The following PACS2 variants were observed in gnomAD, a reference collection of about 807,000 sequenced individuals.
The protein encoded by PACS2 is PACS1-like protein.
A neutral mutation model predicts 113.0 loss-of-function variants in PACS2; 36 were observed. The observed-to-expected ratio is 0.32, with a 90% CI of 0.24 to 0.42. PACS2 has a LOEUF of 0.42. PACS2 is among the 10% of genes least tolerant of loss of function. PACS2 has a pLI of 1.00. For synonymous variants in PACS2, 589 were observed against 536.1 expected, an observed-to-expected ratio of 1.10 and a Z score of -1.36; for missense variants, 1,015 against 1,239.5, an observed-to-expected ratio of 0.82 and a Z score of 2.72.
intron 8 of PACS2, 83 bp downstream of exon 8, chr14:105,369,983 G>C (rs1251307730): frequency 2.5e-6 from 3 of 1,192,470 alleles, no homozygotes; most frequent in African/African-American, 1.5e-5. Flanking sequence ...GTCTGTCTCC[G>C]GGCCACCTCT....
At chr14:105,320,818 A>G (rs960162411) in intron 1 of PACS2, among the ~76,000 whole-genome samples, 7 of 152,174 alleles carry the variant, frequency 4.6e-5, no homozygotes, top group African/African-American at 1.7e-4. Flanking sequence ...GTAAAATTGG[A>G]ATCATTTCTT....
intron 2 of PACS2, among the ~76,000 whole-genome samples, chr14:105,350,610 C>G (rs1278864380): frequency 6.6e-6 from 1 of 152,228 alleles, no homozygotes; most frequent in Non-Finnish European, 1.5e-5. Flanking sequence ...GGGGTGTCCT[C>G]TCCGCCCAGG....
At chr14:105,382,387 G>A (rs1354893753) in intron 13 of PACS2, 90 bp from the exon 14 acceptor site, 6 of 808,416 alleles carry the variant, frequency 7.4e-6, no homozygotes, top group African/African-American at 6.7e-5. Flanking sequence ...GCTGCAGGGG[G>A]AGCAGGGGCA....
In PACS2 at chr14:105,366,654, C is replaced by T. The variant is rs893556167; in HGVS notation, c.424-559C>T. Among the ~76,000 whole-genome samples, 3 of 152,170 alleles carry T rather than the reference C, an allele frequency of 2.0e-5. No individual in the cohort carries two copies. The highest frequency in any genetic ancestry group is 4.4e-5 in the Non-Finnish European group (3 of 68,032). ...GGGTGTCTCCTGCTGCTGGAGATTC[C>T]GGCCTGGCTGAGAGTGCTGGGCTCC... On this transcript the variant is annotated intron_variant, in intron 4 of 24. Coordinates refer to ENST00000447393, the MANE Select transcript of PACS2 (RefSeq NM_001100913.3). The surrounding 1 kb of genome is among the most constrained non-coding windows in gnomAD (Gnocchi z 4.3).
At chr14:105,336,166 A>T (rs587726967) in intron 1 of PACS2, among the ~76,000 whole-genome samples, 1 of 152,324 alleles carries the variant, frequency 6.6e-6, no homozygotes, top group Admixed American at 6.5e-5. Context: ...CCAACAAAAC[A>T]CAGTCAGCAG....
At chr14:105,389,850 C>A in intron 19 of PACS2, 111 bp from the exon 20 acceptor site, 1 of 965,124 alleles carries the variant, frequency 1.0e-6, no homozygotes, top group Non-Finnish European at 1.7e-6. Flanking sequence ...GGCCATCCGG[C>A]AGGGCCGCGG....
rs138542856 is a variant in PACS2 at position 105,326,081 on chromosome 14, A to G, written c.119+11044A>G. On this transcript the variant is annotated intron_variant, in intron 1 of 24. Transcript: ENST00000447393. ...ATTTCTTTATTGTATGGCCCCAGCC[A>G]GGACTTCCCTCTTTTTAGATGCAAA... Among the ~76,000 whole-genome samples, 756 of 152,392 alleles carry G rather than the reference A, an allele frequency of 5.0e-3. 3 individuals are homozygous for G. The highest frequency in any genetic ancestry group is 0.029 in the East Asian group (151 of 5,190).
At chr14:105,362,215 A>G (rs113082544) in intron 4 of PACS2, among the ~76,000 whole-genome samples, 28,027 of 151,060 alleles carry the variant, frequency 0.19, 5,027 homozygotes, top group African/African-American at 0.47. Context: ...TCAGGAGATC[A>G]AGACCATCCT....
chr14:105,381,500 TGTG>T (rs1555412017), intron 12 of PACS2, among the ~76,000 whole-genome samples: 2 of 152,266 alleles, frequency 1.3e-5, no homozygotes, highest in East Asian at 1.9e-4. Context: ...GTTTTTACCT[TGTG>T]GTGGCACGCA....
chr14:105,367,177 C>T (rs782445207), intron 4 of PACS2, 36 bp from the exon 5 acceptor site: 24 of 1,597,112 alleles, frequency 1.5e-5, no homozygotes, highest in Non-Finnish European at 1.9e-5. Flanking sequence ...TCCTTCCCGT[C>T]GTGCTGCTTT....
chr14:105,318,149 TTTG>T (rs750203349), intron 1 of PACS2, among the ~76,000 whole-genome samples: 8 of 152,220 alleles, frequency 5.3e-5, no homozygotes, highest in African/African-American at 1.9e-4. Flanking sequence ...ATTTATGTAT[TTTG>T]TTGTTGTTGT....
In PACS2 at chr14:105,397,404, A is replaced by C. The variant is rs1219661449; in HGVS notation, c.*2732A>C. On this transcript the variant is annotated 3_prime_UTR_variant, in exon 25 of 25. Coordinates refer to ENST00000447393, the MANE Select transcript of PACS2 (RefSeq NM_001100913.3). ...GAACCTGGCCCTGGACTGGCCTCAC[A>C]GGACAGGAGGCAGCCCCTTGTAGAG... The C allele has an allele frequency of 6.6e-6, 1 of 152,090 alleles. No homozygotes were observed. The highest frequency in any genetic ancestry group is 2.4e-5 in the African/African-American group (1 of 41,366). The allele number at this position is 152,090 out of a possible 1,614,324, so 9.4% of individuals were successfully genotyped here.
rs2081512219 is a variant in PACS2 at position 105,395,770 on chromosome 14, C to T, written c.*1098C>T. ...ACAGTCCTCAGAGCGTGTTGGGTCC[C>T]ATGTTGTGTGTGGGTTCCATGCCCT... is the stretch of plus-strand genomic sequence containing the variant. On this transcript the variant is annotated 3_prime_UTR_variant, in exon 25 of 25. Coordinates refer to ENST00000447393, the MANE Select transcript of PACS2 (RefSeq NM_001100913.3). 1 of 152,294 alleles carries T rather than the reference C, an allele frequency of 6.6e-6. No homozygotes were observed. Among genetic ancestry groups the T allele is most frequent in the Admixed American group, 6.5e-5 (1 of 15,282 alleles). 9.4% of individuals were successfully genotyped at this position (152,294 alleles called of 1,614,324 possible).
chr14:105,356,882 C>G lies in PACS2; in HGVS notation c.423+1705C>G, dbSNP rs2060472201. On this transcript the variant is annotated intron_variant, in intron 4 of 24. Transcript: ENST00000447393. The surrounding 1 kb of genome is among the most constrained non-coding windows in gnomAD (Gnocchi z 4.0). ...TTCCCATTAGCCATTCAGGCGATGTCCTGCTGATCCCTGCTGGTCCCTGTG... is the reference window on the plus strand; with the variant it reads ...TTCCCATTAGCCATTCAGGCGATGTGCTGCTGATCCCTGCTGGTCCCTGTG... Among the ~76,000 whole-genome samples, 1 of 143,868 alleles carries G rather than the reference C, an allele frequency of 7.0e-6. No homozygotes were observed. 94.4% of individuals were successfully genotyped at this position (143,868 alleles called of 152,430 possible).
At position 105,324,835 on chromosome 14, in the gene PACS2, G is replaced by A. The variant is rs587624511; in HGVS notation, c.119+9798G>A. 6.5e-4 allele frequency among the ~76,000 whole-genome samples: 99 copies of A among 152,298 alleles called. No individual in the cohort carries two copies. The highest frequency in any genetic ancestry group is 2.4e-3 in the African/African-American group (99 of 41,564). On this transcript the variant is annotated intron_variant, in intron 1 of 24. Coordinates refer to ENST00000447393, the MANE Select transcript of PACS2 (RefSeq NM_001100913.3). This position sits in a 1 kb window ranked among gnomAD's most constrained non-coding sequence, Gnocchi z 4.7. The stretch of plus-strand genomic sequence containing the variant: ...GCCGTAGCCCCAGGTCCTCTGCATG[G>A]TCAGGGGCCATGCTGGGTCCCCTGG...
At position 105,367,195 on chromosome 14, in the gene PACS2, C is replaced by A; in HGVS notation, c.424-18C>A. 2 of 1,610,748 alleles carry A rather than the reference C, an allele frequency of 1.2e-6. No homozygotes were observed. The highest frequency in any genetic ancestry group is 1.7e-6 in the Non-Finnish European group (2 of 1,178,264). Reference sequence around the variant, plus strand: ...TTCCCGTCGTGCTGCTTTCTAGAACCGTGCCCCTGGCCTGCAGGTGATGCA... The same window carrying A: ...TTCCCGTCGTGCTGCTTTCTAGAACAGTGCCCCTGGCCTGCAGGTGATGCA... On this transcript the variant is annotated intron_variant, in intron 4 of 24. Coordinates refer to ENST00000447393, the MANE Select transcript of PACS2 (RefSeq NM_001100913.3).
chr14:105,382,479 C>T lies in PACS2; in HGVS notation c.1416C>T (p.Ile472=), dbSNP rs1373882825. The change falls in exon 14 of 25, where the codon ATC becomes ATT. Residue 472 remains isoleucine, a splice_region_variant and synonymous_variant. Transcript: ENST00000447393. ...ARSQLQVQLQ[I]PRKTVYDQLN... ...TGGACAGGGCTCTGTGCCTCCAGAT[C>T]CCCAGGAAGACTGTGTATGACCAGC... is the stretch of plus-strand genomic sequence containing the variant. 21 of 1,591,526 alleles carry T rather than the reference C, an allele frequency of 1.3e-5. No individual in the cohort carries two copies. Among genetic ancestry groups the T allele is most frequent in the Non-Finnish European group, 1.8e-5 (21 of 1,159,708 alleles).
rs2058689637 is a variant in PACS2, at chr14:105,317,050, C to T, written c.119+2013C>T. 6.6e-6 allele frequency among the ~76,000 whole-genome samples: 1 copy of T among 152,224 alleles called. No homozygotes were observed. The highest frequency in any genetic ancestry group is 1.5e-5 in the Non-Finnish European group (1 of 68,040). On this transcript the variant is annotated intron_variant, in intron 1 of 24. Transcript: ENST00000447393. The surrounding 1 kb of genome is among the most constrained non-coding windows in gnomAD (Gnocchi z 4.2). ...TTTGCTTTGTGCTTGTGCCGCCTGT[C>T]CGTGCATCCTCGGACAGTCTGCTAC...
chr14:105,351,346 C>T (rs1296183835), intron 2 of PACS2, among the ~76,000 whole-genome samples: 1 of 152,218 alleles, frequency 6.6e-6, no homozygotes, highest in Non-Finnish European at 1.5e-5. Context: ...ATCCATTTAG[C>T]AGGTGCGTGT....
Sources: gnomAD v4.1 joint callset for allele counts (sites outside exome capture counted in the v4.1 genomes callset) on GRCh38, gnomAD v4.1.1 for gene constraint, Gnocchi (gnomAD v3.1) non-coding constraint, MANE v1.5 for transcripts, NCBI Gene and HGNC (gene_info 2026-07-23, HGNC 2026-07-21) for gene names.